The following WDFY4 variants were observed in gnomAD, a reference collection of about 807,000 sequenced individuals.
WDFY4 encodes WD repeat- and FYVE domain-containing protein 4.
In WDFY4, 169 loss-of-function variants were observed where a neutral mutation model predicts 351.9. The ratio of observed to expected loss-of-function variants is 0.48; its 90% confidence interval spans 0.42 to 0.55. The LOEUF (loss-of-function observed/expected upper bound fraction) is 0.55. Among genes scored for constraint, WDFY4 ranks in the 20% least tolerant of loss-of-function variants. The pLI, the probability that WDFY4 is intolerant of heterozygous loss-of-function variation, is 0.00. For missense variants in WDFY4, 3,803 were observed against 3,935.6 expected (o/e 0.97, Z 0.90); for synonymous variants, 1,622 against 1,574.6 (o/e 1.03, Z -0.71).
rs188087851 is a variant in WDFY4, at chr10:48,780,867, A to C, written c.3576+748A>C. 8.8e-3 allele frequency among the ~76,000 whole-genome samples: 1,334 copies of C among 152,352 alleles called. 25 individuals are homozygous for C. Among genetic ancestry groups the C allele is most frequent in the African/African-American group, 0.03 (1,251 of 41,580 alleles). ...AAGTTCTCTTGCACAGGCTGCACCC[A>C]GAATAATTACATCAGAATCTCTCTG... On this transcript the variant is annotated intron_variant, in intron 19 of 61. Coordinates refer to ENST00000325239, the MANE Select transcript of WDFY4 (RefSeq NM_001394531.1).
At chr10:48,887,582 T>C (rs550963138) in intron 43 of WDFY4, among the ~76,000 whole-genome samples, 1 of 152,178 alleles carries the variant, frequency 6.6e-6, no homozygotes, top group African/African-American at 2.4e-5. Context: ...ATCAAGACCA[T>C]CCTGGCTAAC....
At chr10:48,828,746 T>A in intron 36 of WDFY4, 32 bp from the exon 37 acceptor site, 1 of 1,318,038 alleles carries the variant, frequency 7.6e-7, no homozygotes, top group Non-Finnish European at 1.0e-6. Context: ...TGGAATTTAT[T>A]GGATTTTAGT....
intron 43 of WDFY4, among the ~76,000 whole-genome samples, chr10:48,881,246 C>T (rs1380219906): frequency 6.6e-6 from 1 of 152,220 alleles, no homozygotes; most frequent in Non-Finnish European, 1.5e-5. Flanking sequence ...TGGAAGAACC[C>T]TGGTACCTAT....
At chr10:48,875,907 G>A (rs150958167) in intron 42 of WDFY4, among the ~76,000 whole-genome samples, 19 of 152,236 alleles carry the variant, frequency 1.2e-4, no homozygotes, top group Middle Eastern at 3.4e-3. Flanking sequence ...TTTGCCTCTC[G>A]TCTCTCCACC....
chr10:48,964,174 C>A, intron 54 of WDFY4, 120 bp downstream of exon 54: 1 of 1,104,524 alleles, frequency 9.1e-7, no homozygotes, highest in Non-Finnish European at 1.3e-6. Context: ...CCCCCATCAT[C>A]TTCCTGTGCT....
intron 11 of WDFY4, among the ~76,000 whole-genome samples, chr10:48,737,745 A>G (rs924954248): frequency 1.3e-5 from 2 of 152,220 alleles, no homozygotes; most frequent in Non-Finnish European, 2.9e-5. Context: ...GAATCCCATG[A>G]TTACTTGAGG....
intron 51 of WDFY4, among the ~76,000 whole-genome samples, chr10:48,953,333 TCACACACA>T (rs1554820608): frequency 1.6e-5 from 2 of 128,130 alleles, no homozygotes; most frequent in African/African-American, 3.0e-5. Flanking sequence ...TCTCTCTCTC[TCACACACA>T]CACACACACA....
rs747653976 is a variant in WDFY4, at chr10:48,943,462, C to T, written c.7749+13C>T. On this transcript the variant is annotated intron_variant, in intron 49 of 61. Coordinates refer to ENST00000325239, the MANE Select transcript of WDFY4 (RefSeq NM_001394531.1). ...CTACACCTCAGAGGTAAGTTCCTCA[C>T]GTGGAAACCACAGCTGCCCTCAGGT... 5.0e-5 allele frequency: 78 copies of T among 1,550,052 alleles called. No individual in the cohort carries two copies. The highest frequency in any genetic ancestry group is 6.0e-5 in the South Asian group (5 of 83,858).
At chr10:48,750,057 C>A (rs2065133304) in intron 12 of WDFY4, among the ~76,000 whole-genome samples, 1 of 152,224 alleles carries the variant, frequency 6.6e-6, no homozygotes, top group Non-Finnish European at 1.5e-5. Context: ...AGGCCAGAGC[C>A]CTAAACACTT....
chr10:48,782,241 C>A (rs1198377284), intron 19 of WDFY4, among the ~76,000 whole-genome samples: 3 of 152,300 alleles, frequency 2.0e-5, no homozygotes, highest in Admixed American at 2.0e-4. Flanking sequence ...TGTTTAGGCT[C>A]AATTACTGAG....
chr10:48,913,405 A>G (rs752441503), intron 47 of WDFY4: 77 of 1,611,018 alleles, frequency 4.8e-5, no homozygotes, highest in Non-Finnish European at 6.2e-5. Context: ...CAGTCTTCCC[A>G]GGAGTCCTTG....
chr10:48,773,712 C>A (rs1036450803), intron 13 of WDFY4, among the ~76,000 whole-genome samples: 4 of 152,132 alleles, frequency 2.6e-5, no homozygotes, highest in Admixed American at 2.6e-4. Flanking sequence ...AGGGAGATGG[C>A]ACCCAGGGGA....
intron 47 of WDFY4, among the ~76,000 whole-genome samples, chr10:48,934,444 T>C (rs1840227310): frequency 6.6e-6 from 1 of 152,196 alleles, no homozygotes; most frequent in African/African-American, 2.4e-5. Flanking sequence ...GCTGAGAAAC[T>C]TGTGTGGAGT....
intron 12 of WDFY4, among the ~76,000 whole-genome samples, chr10:48,748,296 A>G (rs150611798): frequency 1.3e-3 from 191 of 152,322 alleles, no homozygotes; most frequent in African/African-American, 4.4e-3. Context: ...ATTTATTTTT[A>G]TTTCCCTCCA....
intron 13 of WDFY4, among the ~76,000 whole-genome samples, chr10:48,774,193 C>T (rs2065954572): frequency 6.6e-6 from 1 of 152,236 alleles, no homozygotes; most frequent in Admixed American, 6.5e-5. Flanking sequence ...TGGCATGTGG[C>T]CTCCATCTTT....
chr10:48,882,679 G>A (rs896758786), intron 43 of WDFY4, among the ~76,000 whole-genome samples: 2 of 152,164 alleles, frequency 1.3e-5, no homozygotes, highest in African/African-American at 4.8e-5. Context: ...GAGAGAGGCA[G>A]CAAGAGAGAG....
At position 48,920,626 on chromosome 10, in the gene WDFY4, C is replaced by T. The variant is rs146822427; in HGVS notation, c.7586+18763C>T. ...GGACTAAGACAAGAGAGCACACTTT[C>T]ACTATGTCTGTTCAGTATTACTTTG... On this transcript the variant is annotated intron_variant, in intron 47 of 61. Transcript: ENST00000325239. Among the ~76,000 whole-genome samples the T allele has an allele frequency of 2.2e-3, 329 of 152,304 alleles. 1 individual carries two copies. The highest frequency in any genetic ancestry group is 7.7e-3 in the African/African-American group (319 of 41,560).
chr10:48,818,443 G>A (rs140472570), intron 32 of WDFY4, among the ~76,000 whole-genome samples: 2,358 of 152,274 alleles, frequency 0.015, 32 homozygotes, highest in Non-Finnish European at 0.024. Flanking sequence ...AACCTGAATT[G>A]CCACCTGATG....
intron 13 of WDFY4, among the ~76,000 whole-genome samples, chr10:48,766,267 C>T (rs980064734): frequency 3.9e-5 from 6 of 152,184 alleles, no homozygotes; most frequent in South Asian, 4.1e-4. Flanking sequence ...TGGTCAAAAT[C>T]CAGGTGACTT....
Sources: allele counts gnomAD v4.1 joint callset (sites outside exome capture counted in the v4.1 genomes callset), GRCh38; gene constraint gnomAD v4.1.1; transcripts MANE v1.5; gene names NCBI Gene and HGNC (gene_info 2026-07-23, HGNC 2026-07-21).